The following RABL3 variants were observed in gnomAD, a reference collection of about 807,000 sequenced individuals.
RABL3 encodes the protein rab-like protein 3.
RABL3 carries 31 observed loss-of-function variants against 31.8 expected under a neutral mutation model. The observed-to-expected ratio is 0.97, with a 90% CI of 0.73 to 1.31. The LOEUF (loss-of-function observed/expected upper bound fraction) is 1.31. Ranked by LOEUF, RABL3 falls within the 40% of genes most tolerant of loss-of-function variation. RABL3 has a pLI of 0.00. For synonymous variants in RABL3, 97 were observed against 99.9 expected (o/e 0.97, Z 0.18); for missense variants, 263 against 279.6 (o/e 0.94, Z 0.42).
intron 3 of RABL3, among the ~76,000 whole-genome samples, chr3:120,708,007 TTA>T (rs1335354608): frequency 6.6e-6 from 1 of 152,014 alleles, no homozygotes; most frequent in East Asian, 1.9e-4. Flanking sequence ...GCCTAGGCTA[TTA>T]GAGAGGGAAG....
At chr3:120,742,666 GC>G (rs1709063467), upstream of RABL3, 1 of 712,784 alleles carries the variant, frequency 1.4e-6, no homozygotes, top group African/African-American at 1.8e-5. Flanking sequence ...GTAAAAGGTA[GC>G]GGGGTGCTTC....
chr3:120,704,164 A>G (rs989877232), intron 4 of RABL3, among the ~76,000 whole-genome samples: 1 of 152,240 alleles, frequency 6.6e-6, no homozygotes, highest in Non-Finnish European at 1.5e-5. Context: ...ACAAAATATT[A>G]GCAAATCAAA....
At chr3:120,738,301 C>T (rs1160232061) in intron 1 of RABL3, among the ~76,000 whole-genome samples, 2 of 152,228 alleles carry the variant, frequency 1.3e-5, no homozygotes, top group Non-Finnish European at 2.9e-5. Flanking sequence ...CCCTCTGAGC[C>T]AGGTCAGAGA....
chr3:120,741,634 A>G (rs1709044313), intron 1 of RABL3, among the ~76,000 whole-genome samples: 1 of 152,218 alleles, frequency 6.6e-6, no homozygotes, highest in Non-Finnish European at 1.5e-5. Context: ...TAGTTCTCAA[A>G]TGTCCCAGGT....
intron 1 of RABL3, among the ~76,000 whole-genome samples, chr3:120,742,026 A>G (rs1279306289): frequency 1.3e-5 from 2 of 150,936 alleles, no homozygotes; most frequent in African/African-American, 4.9e-5. Flanking sequence ...AGCGCTTGCC[A>G]GTGCACGTTT....
chr3:120,739,010 G>A (rs1410655512), intron 1 of RABL3, among the ~76,000 whole-genome samples: 1 of 152,116 alleles, frequency 6.6e-6, no homozygotes, highest in Non-Finnish European at 1.5e-5. Flanking sequence ...ATACACTTGA[G>A]CCTGCAGGTC....
At chr3:120,735,614 C>T (rs1252338576) in intron 1 of RABL3, among the ~76,000 whole-genome samples, 1 of 151,918 alleles carries the variant, frequency 6.6e-6, no homozygotes, top group Non-Finnish European at 1.5e-5. Context: ...TCTTGCTTCT[C>T]TAGTTCTTTT....
intron 2 of RABL3, among the ~76,000 whole-genome samples, chr3:120,719,954 C>T (rs775139997): frequency 2.0e-5 from 3 of 152,206 alleles, no homozygotes; most frequent in Admixed American, 6.5e-5. Flanking sequence ...CAGACTGACA[C>T]CTCACACGGC....
At chr3:120,717,283 CA>C (rs11349554) in intron 2 of RABL3, among the ~76,000 whole-genome samples, 66,927 of 142,690 alleles carry the variant, frequency 0.47, 16,546 homozygotes, top group Non-Finnish European at 0.58. Context: ...AAAAAAACAA[CA>C]AAAAAAAAAA....
At chr3:120,695,279 A>G (rs1708425321) in intron 5 of RABL3, among the ~76,000 whole-genome samples, 2 of 152,148 alleles carry the variant, frequency 1.3e-5, no homozygotes, top group Non-Finnish European at 2.9e-5. Flanking sequence ...TACATTCTCT[A>G]AAACCACAAA....
In RABL3 at chr3:120,687,291, T is replaced by C. The variant is rs560967386; in HGVS notation, c.*2532A>G. On this transcript the variant is annotated 3_prime_UTR_variant, in exon 8 of 8. Transcript: ENST00000273375. ...TCCCATCAAGAGAGTAAGATATACA[T>C]ATGTAAAGAGATGGAGTCCCACTCT... 5 of 152,248 alleles carry C rather than the reference T, an allele frequency of 3.3e-5. No homozygotes were observed. The highest frequency in any genetic ancestry group is 4.8e-5 in the African/African-American group (2 of 41,544). 9.4% of individuals were successfully genotyped at this position (152,248 alleles called of 1,614,324 possible).
At chr3:120,733,696 G>A (rs567212262) in intron 1 of RABL3, among the ~76,000 whole-genome samples, 66 of 152,152 alleles carry the variant, frequency 4.3e-4, no homozygotes, top group Admixed American at 1.5e-3. Context: ...TAGGTCTAAC[G>A]TTTAAGTCTT....
At chr3:120,692,433 C>T (rs970808120) in intron 6 of RABL3, among the ~76,000 whole-genome samples, 12 of 152,292 alleles carry the variant, frequency 7.9e-5, no homozygotes, top group African/African-American at 2.9e-4. Flanking sequence ...CTCCTGACCT[C>T]GTCATCTGCC....
chr3:120,733,001 T>A (rs928725315), intron 1 of RABL3, among the ~76,000 whole-genome samples: 1 of 152,180 alleles, frequency 6.6e-6, no homozygotes, highest in African/African-American at 2.4e-5. Flanking sequence ...TTTGCTATTG[T>A]GAATAGTGCT....
intron 1 of RABL3, among the ~76,000 whole-genome samples, chr3:120,731,260 C>T (rs1425402089): frequency 6.6e-6 from 1 of 152,124 alleles, no homozygotes; most frequent in Non-Finnish European, 1.5e-5. Context: ...TGCTGAGGTC[C>T]CCTCCATGGC....
intron 1 of RABL3, among the ~76,000 whole-genome samples, chr3:120,734,702 T>G (rs1468026169): frequency 6.6e-6 from 1 of 152,210 alleles, no homozygotes; most frequent in African/African-American, 2.4e-5. Context: ...GCTCTTATTA[T>G]TTTGAGATAT....
intron 2 of RABL3, among the ~76,000 whole-genome samples, chr3:120,715,358 G>GC (rs1404388305): frequency 1.5e-4 from 23 of 152,160 alleles, no homozygotes; most frequent in Admixed American, 3.3e-4. Context: ...GGCCAACATG[G>GC]CGAAACCTGT....
intron 2 of RABL3, among the ~76,000 whole-genome samples, chr3:120,724,080 T>G (rs543718670): frequency 2.6e-5 from 4 of 152,356 alleles, no homozygotes; most frequent in Non-Finnish European, 4.4e-5. Flanking sequence ...CTCCTTAAGC[T>G]GATAAGCTAC....
chr3:120,727,941 C>G (rs1001322750), intron 2 of RABL3, among the ~76,000 whole-genome samples: 3 of 152,064 alleles, frequency 2.0e-5, no homozygotes, highest in Non-Finnish European at 2.9e-5. Context: ...TTAATCTAAT[C>G]AAATATACCC....
Sources: allele counts gnomAD v4.1 joint callset (sites outside exome capture counted in the v4.1 genomes callset), GRCh38; gene constraint gnomAD v4.1.1; transcripts MANE v1.5; gene names NCBI Gene and HGNC (gene_info 2026-07-23, HGNC 2026-07-21).